CYP2A7: variants seen among roughly 807,000 people sequenced by gnomAD.
The protein encoded by CYP2A7 is cytochrome P450 family 2 subfamily A member 7.
CYP2A7 carries 36 observed loss-of-function variants against 42.0 expected under a neutral mutation model. The observed-to-expected ratio is 0.86, with a 90% CI of 0.66 to 1.13. The LOEUF (loss-of-function observed/expected upper bound fraction) is 1.13. Among genes scored for constraint, CYP2A7 ranks in the 50% most tolerant of loss-of-function variants. The probability of loss-of-function intolerance (pLI) is 0.00; values close to 1 mark genes in which losing one functional copy is unlikely to be tolerated. For synonymous variants in CYP2A7, 260 were observed against 249.5 expected (o/e 1.04, Z -0.40); for missense variants, 661 against 634.1 (o/e 1.04, Z -0.46).
chr19:40,877,433 A>T, intron 6 of CYP2A7, 56 bp from the exon 7 acceptor site: 1 of 1,594,680 alleles, frequency 6.3e-7, no homozygotes, highest in Middle Eastern at 1.7e-4. Flanking sequence ...GCAGGAAATG[A>T]TAGTCTGAAT....
intron 2 of CYP2A7, 61 bp from the exon 3 acceptor site, chr19:40,880,689 A>C: frequency 2.6e-6 from 4 of 1,551,752 alleles, no homozygotes; most frequent in Non-Finnish European, 3.5e-6. Context: ...GGAGCGGACC[A>C]GTTCCAAGGG....
intron 8 of CYP2A7, chr19:40,876,322 G>A (rs1967529427): frequency 1.2e-6 from 1 of 803,948 alleles, no homozygotes; most frequent in African/African-American, 1.7e-5. Flanking sequence ...ACATCTACGG[G>A]GAAAGATGTT....
chr19:40,878,314 T>C (rs1967582076), intron 5 of CYP2A7, among the ~76,000 whole-genome samples: 1 of 151,764 alleles, frequency 6.6e-6, no homozygotes, highest in Non-Finnish European at 1.5e-5. Flanking sequence ...CAAGCAATCC[T>C]CCACCCTTAG....
chr19:40,877,792 C>A (rs1967570075), intron 6 of CYP2A7, 60 bp downstream of exon 6: 4 of 1,555,366 alleles, frequency 2.6e-6, no homozygotes, highest in Middle Eastern at 1.8e-4. Flanking sequence ...GACATTGCAC[C>A]AGTCGAAGGG....
rs562087469 is a variant in CYP2A7, at chr19:40,876,307, G to T, written c.1303+220C>A. 1.1e-4 allele frequency: 82 copies of T among 713,574 alleles called. No homozygotes were observed. In the African/African-American group the frequency reaches 1.4e-3, roughly 12 times the overall value. The allele number at this position is 713,574 out of a possible 1,614,324, so 44.2% of individuals were successfully genotyped here. On this transcript the variant is annotated intron_variant, in intron 8 of 8. Coordinates refer to ENST00000301146, the MANE Select transcript of CYP2A7 (RefSeq NM_000764.3). ...GAGGAATCTGCTGTGTGACCCTAGA[G>T]AAATACATCTACGGGGAAAGATGTT...
At chr19:40,881,540 G>C (rs377574136) in intron 2 of CYP2A7, 49 bp downstream of exon 2, 3 of 1,607,934 alleles carry the variant, frequency 1.9e-6, no homozygotes, top group Non-Finnish European at 2.5e-6. Flanking sequence ...GCAACACTGA[G>C]ACCATCGTGT....
In CYP2A7 at chr19:40,877,275, A is replaced by T. The variant is rs746635005; in HGVS notation, c.1076T>A (p.Ile359Asn). 5 of 1,612,668 alleles carry T rather than the reference A, an allele frequency of 3.1e-6. No homozygotes were observed. Among genetic ancestry groups the T allele is most frequent in the Non-Finnish European group, 4.2e-6 (5 of 1,179,156 alleles). The change falls in exon 7 of 9, where the codon ATC becomes AAC. Residue 359 changes from isoleucine (I) to asparagine (N), a missense_variant. Transcript: ENST00000301146. ...GGGGATCACGTCTCCAAATCTTTGGATCTCGTGGATCACTGCCTCCATGTA... is the reference window on the plus strand; with the variant it reads ...GGGGATCACGTCTCCAAATCTTTGGTTCTCGTGGATCACTGCCTCCATGTA... ...MPYMEAVIHE[I>N]QRFGDVIPMS...
At chr19:40,878,069 C>G in intron 5 of CYP2A7, 76 bp from the exon 6 acceptor site, 1 of 1,507,092 alleles carries the variant, frequency 6.6e-7, no homozygotes, top group Non-Finnish European at 9.0e-7. Flanking sequence ...TCCTTTGGAT[C>G]TACCTCTCTT....
chr19:40,877,483 C>A, intron 6 of CYP2A7, 106 bp from the exon 7 acceptor site: 1 of 1,496,788 alleles, frequency 6.7e-7, no homozygotes, highest in Non-Finnish European at 9.1e-7. Flanking sequence ...CCCTATGAGA[C>A]GGAGGTAGAG....
chr19:40,882,147 A>C lies in CYP2A7; in HGVS notation c.64T>G (p.Ser22Ala). The stretch of plus-strand genomic sequence containing the variant: ...CTGCTCTTCCTCTGCTGCCAGACAG[A>C]CATCAAGACCATCACAGTCAGGCAG... ...LACLTVMVLM[S>A]VWQQRKSRGK... The change falls in exon 1 of 9, where the codon TCT becomes GCT. Residue 22 changes from serine (S) to alanine (A), a missense_variant. This residue lies in a region of CYP2A7 where 614 missense variants were observed against 552.4 expected (regional missense o/e 1.11). Transcript: ENST00000301146. 1 of 1,613,966 alleles carries C rather than the reference A, an allele frequency of 6.2e-7. No individual in the cohort carries two copies. The highest frequency in any genetic ancestry group is 2.2e-5 in the East Asian group (1 of 44,880).
chr19:40,877,193 A>T lies in CYP2A7; in HGVS notation c.1158T>A (p.Pro386=). The change falls in exon 7 of 9, where the codon CCT becomes CCA. Residue 386 remains proline (P), a synonymous_variant. Coordinates refer to ENST00000301146, the MANE Select transcript of CYP2A7 (RefSeq NM_000764.3). ...TAGGGGGTGGGGAGGATAGCACCTT[A>T]GGGAGGAAAAAATCCCGAAACTTGG... The part of the protein sequence containing the change: ...KDTKFRDFFL[P]KGTEVFPMLG... 1.2e-6 allele frequency: 2 copies of T among 1,612,650 alleles called. No individual in the cohort carries two copies. Among genetic ancestry groups the T allele is most frequent in the Non-Finnish European group, 1.7e-6 (2 of 1,179,050 alleles).
At chr19:40,880,017 T>C (rs182384935) in intron 4 of CYP2A7, 67 bp downstream of exon 4, 1 of 1,590,706 alleles carries the variant, frequency 6.3e-7, no homozygotes, top group Non-Finnish European at 8.6e-7. Flanking sequence ...GGGGCACCTG[T>C]CTCCAGGTAG....
chr19:40,879,741 C>T (rs527341348), intron 4 of CYP2A7, among the ~76,000 whole-genome samples: 37 of 151,534 alleles, frequency 2.4e-4, no homozygotes, highest in South Asian at 6.3e-4. Context: ...GGCGGGTTGA[C>T]GCAGTCATTT....
rs1060092 is a variant in CYP2A7, at chr19:40,875,612, A to C, written c.*81T>G. The stretch of plus-strand genomic sequence containing the variant: ...TCCCGCATCTTCCCCCCATTCTTAT[A>C]CCCGCCTCTTCCGCGAACCCCGCCC... On this transcript the variant is annotated 3_prime_UTR_variant, in exon 9 of 9. Coordinates refer to ENST00000301146, the MANE Select transcript of CYP2A7 (RefSeq NM_000764.3). The C allele has an allele frequency of 8.8e-4, 1,400 of 1,598,100 alleles. 29 individuals are homozygous for C. Among genetic ancestry groups the C allele is most frequent in the East Asian group, 6.1e-3 (272 of 44,680 alleles).
chr19:40,881,387 G>A (rs1032681256), intron 2 of CYP2A7, among the ~76,000 whole-genome samples: 64 of 151,670 alleles, frequency 4.2e-4, no homozygotes, highest in African/African-American at 1.5e-3. Flanking sequence ...GCAGAGAGAG[G>A]CAGGGAGGAA....
intron 2 of CYP2A7, among the ~76,000 whole-genome samples, chr19:40,881,096 C>T (rs1257600847): frequency 1.3e-5 from 2 of 151,078 alleles, no homozygotes; most frequent in East Asian, 1.9e-4. Context: ...GAGAAAAATA[C>T]TGAGACAGAA....
At chr19:40,878,714 C>T (rs752980401) in intron 5 of CYP2A7, 46 bp downstream of exon 5, 2 of 1,600,066 alleles carry the variant, frequency 1.2e-6, no homozygotes, top group Admixed American at 1.7e-5. Context: ...GTCTGATTTC[C>T]CTCTGCCTGG....
intron 8 of CYP2A7, chr19:40,876,276 G>C: frequency 1.6e-6 from 1 of 617,886 alleles, no homozygotes; most frequent in Non-Finnish European, 2.8e-6. Context: ...TCCTTTTTAG[G>C]GATCTGAGGA....
Position 40,875,662 on chromosome 19 carries a change from C to T in CYP2A7, c.*31G>A, listed in dbSNP as rs192884225. 4 of 1,611,034 alleles carry T rather than the reference C, an allele frequency of 2.5e-6. No homozygotes were observed. Among genetic ancestry groups the T allele is most frequent in the Non-Finnish European group, 3.4e-6 (4 of 1,178,008 alleles). ...CTGACCCCGCCTTTCCCTGGCCCCG[C>T]CCACCAGACCTGCACCGGCACAGCC... is the stretch of plus-strand genomic sequence containing the variant. On this transcript the variant is annotated 3_prime_UTR_variant, in exon 9 of 9. Coordinates refer to ENST00000301146, the MANE Select transcript of CYP2A7 (RefSeq NM_000764.3).
Sources: gnomAD v4.1 joint callset for allele counts (sites outside exome capture counted in the v4.1 genomes callset) on GRCh38, gnomAD v4.1.1 for gene constraint, gnomAD v4.1.1 regional missense constraint, MANE v1.5 for transcripts, NCBI Gene and HGNC (gene_info 2026-07-23, HGNC 2026-07-21) for gene names.